The following POU6F2 variants were observed in gnomAD, a reference collection of about 807,000 sequenced individuals.
POU6F2 encodes the protein POU domain, class 6, transcription factor 2.
POU6F2 carries 31 observed loss-of-function variants against 71.3 expected under a neutral mutation model. The observed-to-expected ratio is 0.43, with a 90% CI of 0.33 to 0.59. The LOEUF (loss-of-function observed/expected upper bound fraction) is 0.59, where lower values mean the gene tolerates loss of function less well. POU6F2 is among the 20% of genes least tolerant of loss of function. The pLI, the probability that POU6F2 is intolerant of heterozygous loss-of-function variation, is 0.04. For synonymous variants in POU6F2, 347 were observed against 355.7 expected, an observed-to-expected ratio of 0.98 and a Z score of 0.27; for missense variants, 783 against 856.8, an observed-to-expected ratio of 0.91 and a Z score of 1.07.
chr7:39,319,704 C>T (rs1364899866), intron 4 of POU6F2, among the ~76,000 whole-genome samples: 1 of 152,148 alleles, frequency 6.6e-6, no homozygotes, highest in African/African-American at 2.4e-5. Flanking sequence ...TTACCTGTGG[C>T]ATTTTCCAAC....
intron 4 of POU6F2, among the ~76,000 whole-genome samples, chr7:39,256,091 C>T (rs962038843): frequency 1.3e-5 from 2 of 151,920 alleles, no homozygotes; most frequent in East Asian, 1.9e-4. Flanking sequence ...TTCCTTGAAT[C>T]CCCCAGATGT....
At chr7:39,225,406 C>G (rs928932925) in intron 4 of POU6F2, among the ~76,000 whole-genome samples, 1 of 152,192 alleles carries the variant, frequency 6.6e-6, no homozygotes, top group Admixed American at 6.5e-5. Flanking sequence ...CTATGTTGAA[C>G]TCTCATAACA....
At chr7:39,158,123 A>T (rs569253314) in intron 2 of POU6F2, among the ~76,000 whole-genome samples, 18 of 152,316 alleles carry the variant, frequency 1.2e-4, no homozygotes, top group African/African-American at 3.6e-4. Flanking sequence ...ACTATGTTCC[A>T]TTCTTCCTAG....
At chr7:39,162,403 T>C (rs560887424) in intron 2 of POU6F2, among the ~76,000 whole-genome samples, 1 of 152,372 alleles carries the variant, frequency 6.6e-6, no homozygotes, top group Admixed American at 6.5e-5. Flanking sequence ...ACCTAGTTAC[T>C]CTATGCCAAT....
chr7:39,044,625 G>A (rs1790253303), intron 1 of POU6F2, among the ~76,000 whole-genome samples: 1 of 151,938 alleles, frequency 6.6e-6, no homozygotes, highest in Non-Finnish European at 1.5e-5. Flanking sequence ...GACCAATACT[G>A]TGATGGGATT....
At chr7:39,092,716 C>A (rs1416770047) in intron 2 of POU6F2, among the ~76,000 whole-genome samples, 1 of 152,076 alleles carries the variant, frequency 6.6e-6, no homozygotes, top group African/African-American at 2.4e-5. Flanking sequence ...TTGTCAAAGT[C>A]AGATTTCATA....
chr7:39,117,661 G>C (rs1791959199), intron 2 of POU6F2, among the ~76,000 whole-genome samples: 2 of 152,188 alleles, frequency 1.3e-5, no homozygotes, highest in African/African-American at 2.4e-5. Context: ...CCTCACAGCA[G>C]AGCCACTGGT....
At chr7:39,410,707 A>G (rs911571209) in intron 6 of POU6F2, among the ~76,000 whole-genome samples, 2 of 152,192 alleles carry the variant, frequency 1.3e-5, no homozygotes, top group African/African-American at 4.8e-5. Context: ...GTGTGGGGAA[A>G]GCCTACCACA....
In POU6F2 at chr7:39,293,158, C is replaced by T. The variant is rs567868503; in HGVS notation, c.599-46484C>T. ...AGCTGTGCGCCTGCCTCTGCCCGGCCCCGACGGTGCCAGGCTCCTCTCTGC... is the reference window on the plus strand; with the variant it reads ...AGCTGTGCGCCTGCCTCTGCCCGGCTCCGACGGTGCCAGGCTCCTCTCTGC... On this transcript the variant is annotated intron_variant, in intron 4 of 9. Coordinates refer to ENST00000518318, the MANE Select transcript of POU6F2 (RefSeq NM_001370959.1). 4.2e-4 allele frequency among the ~76,000 whole-genome samples: 64 copies of T among 152,310 alleles called. No individual in the cohort carries two copies. In the South Asian group the frequency reaches 6.9e-3, roughly 16 times the overall value.
intron 8 of POU6F2, among the ~76,000 whole-genome samples, chr7:39,457,249 A>G (rs1415505263): frequency 3.3e-5 from 5 of 152,214 alleles, no homozygotes; most frequent in African/African-American, 1.2e-4. Context: ...TGGTGGCAAC[A>G]CAGGCCTTGG....
intron 4 of POU6F2, among the ~76,000 whole-genome samples, chr7:39,233,856 C>T (rs1043980849): frequency 5.3e-5 from 8 of 152,154 alleles, no homozygotes; most frequent in Non-Finnish European, 7.3e-5. Flanking sequence ...CGTGGTTGTC[C>T]TCCTCTTGTG....
intron 1 of POU6F2, among the ~76,000 whole-genome samples, chr7:38,980,637 C>CCTTTAACAAGGTG (rs1249459505): frequency 2.4e-4 from 37 of 152,146 alleles, no homozygotes; most frequent in African/African-American, 8.2e-4. Context: ...GTGAACAAGC[C>CCTTTAACAAGGTG]CATTTAATAA....
At chr7:39,172,624 CCTT>C (rs1793242731) in intron 2 of POU6F2, among the ~76,000 whole-genome samples, 2 of 144,452 alleles carry the variant, frequency 1.4e-5, no homozygotes, top group African/African-American at 5.1e-5. Flanking sequence ...AGGTCCCCCT[CCTT>C]TTTTTTTTTT....
At chr7:39,056,451 G>T (rs542540944) in intron 1 of POU6F2, among the ~76,000 whole-genome samples, 1 of 151,866 alleles carries the variant, frequency 6.6e-6, no homozygotes, top group Non-Finnish European at 1.5e-5. Context: ...TTGCCTTATG[G>T]CAAACATTTT....
At chr7:39,057,113 T>C (rs1461859886) in intron 1 of POU6F2, among the ~76,000 whole-genome samples, 2 of 152,148 alleles carry the variant, frequency 1.3e-5, no homozygotes, top group African/African-American at 2.4e-5. Context: ...TTCCTCTCTC[T>C]TAAGTCTTTC....
At chr7:39,187,742 A>T (rs1793573177) in intron 2 of POU6F2, among the ~76,000 whole-genome samples, 1 of 152,254 alleles carries the variant, frequency 6.6e-6, no homozygotes, top group Non-Finnish European at 1.5e-5. Context: ...GCTTTTGAGA[A>T]GAAAATGCCG....
intron 4 of POU6F2, among the ~76,000 whole-genome samples, chr7:39,227,037 A>G (rs1401929093): frequency 6.6e-6 from 1 of 152,238 alleles, no homozygotes; most frequent in African/African-American, 2.4e-5. Context: ...GTACTAAAGC[A>G]TAAGCTGTGA....
At chr7:39,325,466 GA>G (rs1342919989) in intron 4 of POU6F2, among the ~76,000 whole-genome samples, 1 of 152,198 alleles carries the variant, frequency 6.6e-6, no homozygotes. Context: ...AGATAAGAAA[GA>G]TTCGTGGCGA....
chr7:39,069,799 C>G (rs1195982724), intron 1 of POU6F2, among the ~76,000 whole-genome samples: 3 of 152,134 alleles, frequency 2.0e-5, no homozygotes, highest in Non-Finnish European at 4.4e-5. Context: ...ACGTATTCAT[C>G]TTTGTCCTCT....
Sources: allele counts gnomAD v4.1 joint callset (sites outside exome capture counted in the v4.1 genomes callset), GRCh38; gene constraint gnomAD v4.1.1; transcripts MANE v1.5; gene names NCBI Gene and HGNC (gene_info 2026-07-23, HGNC 2026-07-21).